BCAT1: variants seen among roughly 807,000 people sequenced by gnomAD.
The protein encoded by BCAT1 is branched chain amino acid transaminase 1.
A neutral mutation model predicts 52.4 loss-of-function variants in BCAT1; 48 were observed. The observed-to-expected ratio is 0.92, with a 90% CI of 0.73 to 1.16. BCAT1 has a LOEUF of 1.16. Ranked by LOEUF, BCAT1 falls within the 50% of genes most tolerant of loss-of-function variation. BCAT1 has a pLI of 0.00. For missense variants in BCAT1, 451 were observed against 457.1 expected (o/e 0.99, Z 0.12); for synonymous variants, 167 against 161.3 (o/e 1.04, Z -0.27).
intron 4 of BCAT1, among the ~76,000 whole-genome samples, chr12:24,879,393 A>C (rs1049988282): frequency 6.6e-6 from 1 of 152,176 alleles, no homozygotes; most frequent in Non-Finnish European, 1.5e-5. Flanking sequence ...AAAAAATTAC[A>C]TCTACTAGAT....
At chr12:24,943,899 G>A (rs1329132517) in intron 1 of BCAT1, among the ~76,000 whole-genome samples, 1 of 152,032 alleles carries the variant, frequency 6.6e-6, no homozygotes, top group South Asian at 2.1e-4. Context: ...CAGGAGAATG[G>A]CGTGAACCCA....
chr12:24,836,473 T>G, intron 8 of BCAT1, 38 bp downstream of exon 8: 1 of 1,526,426 alleles, frequency 6.6e-7, no homozygotes, highest in South Asian at 1.2e-5. Flanking sequence ...ATTTTTTATT[T>G]CAGGCTTACA....
intron 9 of BCAT1, 67 bp from the exon 10 acceptor site, chr12:24,829,964 C>G: frequency 8.1e-7 from 1 of 1,237,122 alleles, no homozygotes; most frequent in Non-Finnish European, 1.1e-6. Context: ...AGATAAGACA[C>G]TCAAGCAATT....
intron 1 of BCAT1, among the ~76,000 whole-genome samples, chr12:24,929,917 T>C (rs1943653503): frequency 6.6e-6 from 1 of 152,230 alleles, no homozygotes; most frequent in Non-Finnish European, 1.5e-5. Flanking sequence ...GTTTACTTCA[T>C]AAACTCAGTT....
At chr12:24,908,600 G>T (rs779910037) in intron 1 of BCAT1, among the ~76,000 whole-genome samples, 56 of 152,078 alleles carry the variant, frequency 3.7e-4, no homozygotes, top group Non-Finnish European at 7.3e-4. Flanking sequence ...AATTAGTTGG[G>T]CGTGGTGCCA....
chr12:24,901,578 AAT>A (rs144396688), intron 2 of BCAT1, among the ~76,000 whole-genome samples: 1,679 of 152,314 alleles, frequency 0.011, 35 homozygotes, highest in African/African-American at 0.038. Flanking sequence ...TTTCAAGAAA[AAT>A]ATATGACTCA....
chr12:24,874,714 T>G (rs901147140), intron 5 of BCAT1, among the ~76,000 whole-genome samples: 1 of 152,112 alleles, frequency 6.6e-6, no homozygotes, highest in Non-Finnish European at 1.5e-5. Context: ...GAATGCAGAG[T>G]CTCTGATCCT....
chr12:24,930,299 T>C (rs562541249), intron 1 of BCAT1, among the ~76,000 whole-genome samples: 90 of 152,354 alleles, frequency 5.9e-4, no homozygotes, highest in African/African-American at 2.1e-3. Flanking sequence ...CTCTGACCCC[T>C]GGGGTCTCCT....
chr12:24,881,479 CT>C, intron 3 of BCAT1, 68 bp from the exon 4 acceptor site: 7 of 1,004,658 alleles, frequency 7.0e-6, no homozygotes, highest in Middle Eastern at 2.1e-4. Context: ...AAGAGACTGA[CT>C]TTCCTATGGG....
At position 24,944,859 on chromosome 12, in the gene BCAT1, G is replaced by C. The variant is rs189734331; in HGVS notation, c.6+4068C>G. 3.7e-3 allele frequency among the ~76,000 whole-genome samples: 559 copies of C among 151,940 alleles called. 6 individuals are homozygous for C. Among genetic ancestry groups the C allele is most frequent in the African/African-American group, 0.013 (531 of 41,436 alleles). ...ATTTCCTCTATTTTTTTCTTTATTG[G>C]TCTTCCCTGTTTCCATTCTTCCATT... is the stretch of plus-strand genomic sequence containing the variant. On this transcript the variant is annotated intron_variant, in intron 1 of 10. Transcript: ENST00000261192.
At chr12:24,922,312 G>A (rs1333112111) in intron 1 of BCAT1, among the ~76,000 whole-genome samples, 1 of 152,160 alleles carries the variant, frequency 6.6e-6, no homozygotes. Context: ...CTACAGGCAT[G>A]TGCCACCTTG....
At chr12:24,856,617 C>T (rs1049092460) in intron 5 of BCAT1, among the ~76,000 whole-genome samples, 1 of 149,756 alleles carries the variant, frequency 6.7e-6, no homozygotes, top group African/African-American at 2.6e-5. Flanking sequence ...CATCTACAAG[C>T]CAGGAGAGCT....
At chr12:24,940,988 T>C (rs1461270324) in intron 1 of BCAT1, among the ~76,000 whole-genome samples, 1 of 152,240 alleles carries the variant, frequency 6.6e-6, no homozygotes, top group African/African-American at 2.4e-5. Context: ...ACTGCATTGT[T>C]TGCAACAAAG....
Position 24,817,771 on chromosome 12 carries a change from A to G in BCAT1, c.*237T>C. 1 of 509,848 alleles carries G rather than the reference A, an allele frequency of 2.0e-6. No individual in the cohort carries two copies. Among genetic ancestry groups the G allele is most frequent in the Non-Finnish European group, 3.5e-6 (1 of 285,208 alleles). 31.6% of individuals were successfully genotyped at this position (509,848 alleles called of 1,614,324 possible). A position where few individuals can be genotyped will look rare whatever the true frequency, so the allele number is the denominator to read the frequency against. On this transcript the variant is annotated 3_prime_UTR_variant, in exon 11 of 11. Transcript: ENST00000261192. ...AATCCCATGTTATATGGCTTACATTAATGTTTTTCTAGGTAAGGTAAGGTA... is the reference window on the plus strand; with the variant it reads ...AATCCCATGTTATATGGCTTACATTGATGTTTTTCTAGGTAAGGTAAGGTA...
At chr12:24,943,656 T>C (rs1287841984) in intron 1 of BCAT1, among the ~76,000 whole-genome samples, 1 of 152,164 alleles carries the variant, frequency 6.6e-6, no homozygotes, top group Non-Finnish European at 1.5e-5. Flanking sequence ...TCTAGTAAGT[T>C]TTCTGATGCT....
intron 10 of BCAT1, among the ~76,000 whole-genome samples, chr12:24,820,204 A>G (rs987246057): frequency 3.3e-5 from 5 of 152,216 alleles, no homozygotes; most frequent in African/African-American, 1.2e-4. Flanking sequence ...GCGAACCTGC[A>G]TAATATGCAC....
intron 1 of BCAT1, among the ~76,000 whole-genome samples, chr12:24,915,415 A>G (rs1246830407): frequency 2.0e-5 from 3 of 152,344 alleles, no homozygotes; most frequent in Admixed American, 6.5e-5. Context: ...TTTTACTTCA[A>G]TGCTTCTATT....
chr12:24,880,846 T>TG (rs1265836488), intron 4 of BCAT1, among the ~76,000 whole-genome samples: 4 of 142,218 alleles, frequency 2.8e-5, no homozygotes, highest in Admixed American at 6.9e-5. Context: ...TGTTTTTTGT[T>TG]TTTTTTTTTT....
At chr12:24,835,283 T>C (rs1309948256) in intron 8 of BCAT1, among the ~76,000 whole-genome samples, 3 of 152,216 alleles carry the variant, frequency 2.0e-5, no homozygotes, top group African/African-American at 7.2e-5. Flanking sequence ...GAATTATTTA[T>C]AGCACATTTC....
Sources: gnomAD v4.1 joint callset for allele counts (sites outside exome capture counted in the v4.1 genomes callset) on GRCh38, gnomAD v4.1.1 for gene constraint, MANE v1.5 for transcripts, NCBI Gene and HGNC (gene_info 2026-07-23, HGNC 2026-07-21) for gene names.